The following LYN variants were observed in gnomAD, a reference collection of about 807,000 sequenced individuals.
The protein encoded by LYN is LYN proto-oncogene, Src family tyrosine kinase, also known as tyrosine-protein kinase Lyn.
A neutral mutation model predicts 65.0 loss-of-function variants in LYN; 12 were observed. That is an observed-to-expected ratio of 0.18 (90% CI 0.12 to 0.30). The LOEUF is 0.30. Among genes scored for constraint, LYN ranks in the 10% least tolerant of loss-of-function variants. LYN has a pLI of 1.00. For missense variants in LYN, 380 were observed against 623.2 expected (o/e 0.61, Z 4.16); for synonymous variants, 222 against 221.2 (o/e 1.00, Z -0.03).
intron 1 of LYN, among the ~76,000 whole-genome samples, chr8:55,902,236 A>G (rs1973610): frequency 0.44 from 65,917 of 151,334 alleles, 14,994 homozygotes; most frequent in Middle Eastern, 0.55. Flanking sequence ...TCGAACTCCC[A>G]ACCTCAGGTG....
intron 10 of LYN, among the ~76,000 whole-genome samples, chr8:55,971,530 G>A (rs952784): frequency 0.21 from 32,675 of 152,198 alleles, 3,603 homozygotes; most frequent in Middle Eastern, 0.27. Flanking sequence ...ATGGAACATC[G>A]GGACACATGG....
chr8:55,980,166 T>C (rs1053214726), intron 10 of LYN: 2 of 152,350 alleles, frequency 1.3e-5, no homozygotes, highest in East Asian at 1.9e-4. Flanking sequence ...TCTTCCAAAA[T>C]AGATCTCCCT....
intron 1 of LYN, among the ~76,000 whole-genome samples, chr8:55,920,411 C>T (rs988914252): frequency 1.3e-5 from 2 of 152,194 alleles, no homozygotes; most frequent in Non-Finnish European, 2.9e-5. Context: ...TCACTATAAC[C>T]TGGCTTTCCT....
chr8:55,953,677 A>G (rs138760321), intron 7 of LYN, among the ~76,000 whole-genome samples, 155 bp from the exon 8 acceptor site: 3 of 152,268 alleles, frequency 2.0e-5, no homozygotes, highest in African/African-American at 7.2e-5. Context: ...AAAACCCACA[A>G]ATTTCAAAAG....
chr8:55,892,423 A>T (rs1402927390), intron 1 of LYN, among the ~76,000 whole-genome samples: 2 of 152,214 alleles, frequency 1.3e-5, no homozygotes, highest in African/African-American at 2.4e-5. Flanking sequence ...CCATCTCAAA[A>T]AAATAAATAC....
chr8:55,932,966 G>C (rs971165438), intron 1 of LYN, among the ~76,000 whole-genome samples: 3 of 152,112 alleles, frequency 2.0e-5, no homozygotes, highest in South Asian at 2.1e-4. Context: ...CTACTAAAGT[G>C]GGGGAGGGAG....
rs1805314275 is a variant in LYN at position 55,902,983 on chromosome 8, G to A, written c.-6+22880G>A. ...CCTGCCTCAGCCTCCCGAGTAGCTG[G>A]GACTACAGGTGTGTGCCACCACACC... On this transcript the variant is annotated intron_variant, in intron 1 of 12. Transcript: ENST00000519728. 6.4e-6 allele frequency: 2 copies of A among 314,532 alleles called. 1 individual carries two copies. Among genetic ancestry groups the A allele is most frequent in the South Asian group, 5.4e-5 (2 of 36,828 alleles). The allele number at this position is 314,532 out of a possible 1,614,324, so 19.5% of individuals were successfully genotyped here.
chr8:55,954,835 AAAATAAATAAATAAAT>A (rs113354539), intron 8 of LYN, among the ~76,000 whole-genome samples: 2,756 of 148,782 alleles, frequency 0.019, 41 homozygotes, highest in Non-Finnish European at 0.029. Context: ...ACCCTGCCTC[AAAATAAATAAATAAAT>A]AAATAAATAA....
At chr8:55,924,783 A>G (rs966159526) in intron 1 of LYN, among the ~76,000 whole-genome samples, 2 of 152,112 alleles carry the variant, frequency 1.3e-5, no homozygotes, top group African/African-American at 4.8e-5. Flanking sequence ...AGTATCATAT[A>G]CTGCAGATAT....
At position 55,924,424 on chromosome 8, in the gene LYN, G is replaced by A. The variant is rs187240090; in HGVS notation, c.-5-17431G>A. 2.6e-5 allele frequency among the ~76,000 whole-genome samples: 4 copies of A among 151,602 alleles called. No homozygotes were observed. In the East Asian group the frequency reaches 7.8e-4, roughly 29 times the overall value. On this transcript the variant is annotated intron_variant, in intron 1 of 12. Transcript: ENST00000519728. The stretch of plus-strand genomic sequence containing the variant: ...ATGATCCAGGCTGGAGTGCAATGGT[G>A]TAATCTTGACTCACTGCAACCTCCA...
chr8:55,899,148 G>T (rs138702253), intron 1 of LYN, among the ~76,000 whole-genome samples: 2 of 152,210 alleles, frequency 1.3e-5, no homozygotes, highest in Non-Finnish European at 2.9e-5. Context: ...TTTGTATCAG[G>T]CAATAATTAC....
At chr8:55,996,690 A>T (rs1808378789) in intron 10 of LYN, among the ~76,000 whole-genome samples, 1 of 150,210 alleles carries the variant, frequency 6.7e-6, no homozygotes, top group African/African-American at 2.5e-5. Context: ...CTTCTCCTTA[A>T]CTTTATAATT....
intron 2 of LYN, among the ~76,000 whole-genome samples, chr8:55,945,569 C>A (rs768238641): frequency 6.6e-6 from 1 of 152,186 alleles, no homozygotes; most frequent in African/African-American, 2.4e-5. Flanking sequence ...CAAAGAGAGA[C>A]AGAAAAGTTA....
intron 1 of LYN, among the ~76,000 whole-genome samples, chr8:55,930,318 A>C (rs944570497): frequency 6.6e-6 from 1 of 152,170 alleles, no homozygotes; most frequent in Non-Finnish European, 1.5e-5. Context: ...TTTCATAATA[A>C]TTTCTATTAT....
intron 1 of LYN, among the ~76,000 whole-genome samples, chr8:55,929,296 GAGACTAAGTGAGACTA>G (rs1357617235): frequency 1.3e-5 from 2 of 152,168 alleles, no homozygotes; most frequent in Non-Finnish European, 2.9e-5. Flanking sequence ...TGAGATTAGT[GAGACTAAGTGAGACTA>G]AGACTTAGTG....
At chr8:55,974,100 A>C (rs1023087336) in intron 10 of LYN, among the ~76,000 whole-genome samples, 4 of 152,208 alleles carry the variant, frequency 2.6e-5, no homozygotes, top group African/African-American at 9.6e-5. Flanking sequence ...ACAGATAACG[A>C]GGTAAACTTG....
At chr8:55,908,779 T>A (rs1438752341) in intron 1 of LYN, among the ~76,000 whole-genome samples, 2 of 151,816 alleles carry the variant, frequency 1.3e-5, no homozygotes, top group East Asian at 3.9e-4. Context: ...TTGCCTGTCA[T>A]TCCACATTCT....
chr8:55,914,361 T>C, intron 1 of LYN, among the ~76,000 whole-genome samples: 1 of 152,006 alleles, frequency 6.6e-6, no homozygotes, highest in African/African-American at 2.4e-5. Flanking sequence ...TGAAATATAC[T>C]GAGATGGCCC....
At chr8:55,918,958 G>A (rs1022655175) in intron 1 of LYN, among the ~76,000 whole-genome samples, 1 of 149,242 alleles carries the variant, frequency 6.7e-6, no homozygotes, top group East Asian at 1.9e-4. Context: ...CAGTGCTTTG[G>A]GAGTTCGAGG....
Sources: allele counts gnomAD v4.1 joint callset (sites outside exome capture counted in the v4.1 genomes callset), GRCh38; gene constraint gnomAD v4.1.1; transcripts MANE v1.5; gene names NCBI Gene and HGNC (gene_info 2026-07-23, HGNC 2026-07-21).